RAB4A: variants seen among roughly 807,000 people sequenced by gnomAD.
The protein encoded by RAB4A is ras-related protein Rab-4A.
In RAB4A, 20 loss-of-function variants were observed where a neutral mutation model predicts 34.5. That is an observed-to-expected ratio of 0.58 (90% CI 0.41 to 0.84). The LOEUF (loss-of-function observed/expected upper bound fraction) is 0.84. Ranked by LOEUF, RAB4A falls within the 40% of genes least tolerant of loss-of-function variation. RAB4A has a pLI of 0.00. For synonymous variants in RAB4A, 102 were observed against 100.0 expected, an observed-to-expected ratio of 1.02 and a Z score of -0.12; for missense variants, 228 against 274.5, an observed-to-expected ratio of 0.83 and a Z score of 1.20.
Position 229,271,255 on chromosome 1 carries a change from C to A in RAB4A, c.-85C>A. On this transcript the variant is annotated 5_prime_UTR_variant, in exon 1 of 8. Coordinates refer to ENST00000366690, the MANE Select transcript of RAB4A (RefSeq NM_004578.4). ...GCCCCTCCCTCCTCCGGTCCCCCGC[C>A]CCAGGTCCTTCCCCACCGAGACGCG... 7.8e-7 allele frequency: 1 copy of A among 1,279,354 alleles called. No homozygotes were observed. Among genetic ancestry groups the A allele is most frequent in the Non-Finnish European group, 9.9e-7 (1 of 1,006,940 alleles). The allele number at this position is 1,279,354 out of a possible 1,614,324, so 79.3% of individuals were successfully genotyped here.
chr1:229,305,332 T>C lies in RAB4A; in HGVS notation c.*1539T>C. ...TGCAAGCTGCTCATTTTTGAACAGC[T>C]TTTTGCATGGGATAGGAGCATGTCT... On this transcript the variant is annotated 3_prime_UTR_variant, in exon 8 of 8. Coordinates refer to ENST00000366690, the MANE Select transcript of RAB4A (RefSeq NM_004578.4). 1 of 1,564,450 alleles carries C rather than the reference T, an allele frequency of 6.4e-7. No homozygotes were observed. The highest frequency in any genetic ancestry group is 8.6e-7 in the Non-Finnish European group (1 of 1,156,182).
chr1:229,271,553 G>T (rs1656477986), intron 1 of RAB4A, among the ~76,000 whole-genome samples, 183 bp downstream of exon 1: 1 of 151,992 alleles, frequency 6.6e-6, no homozygotes, highest in Non-Finnish European at 1.5e-5. Context: ...GGGGGCTCGG[G>T]TGGGGTAGCG....
chr1:229,294,811 C>T (rs1206762154), intron 3 of RAB4A, among the ~76,000 whole-genome samples: 6 of 152,086 alleles, frequency 3.9e-5, no homozygotes, highest in Admixed American at 1.3e-4. Context: ...GCCTGGGTAA[C>T]GAGCGAAACT....
intron 1 of RAB4A, among the ~76,000 whole-genome samples, chr1:229,278,384 A>G (rs761238912): frequency 6.6e-6 from 1 of 152,158 alleles, no homozygotes; most frequent in African/African-American, 2.4e-5. Flanking sequence ...ACTCAGTAAT[A>G]CTTAGCAATC....
At position 229,271,331 on chromosome 1, in the gene RAB4A, G is replaced by A. The variant is rs949568547; in HGVS notation, c.-9G>A. On this transcript the variant is annotated 5_prime_UTR_variant, in exon 1 of 8. Transcript: ENST00000366690. ...CGGTGACCCGGCGAGAGGCGGCGCC[G>A]CTCCCAAGATGTCGCAGACGGCCAT... 93 of 1,308,340 alleles carry A rather than the reference G, an allele frequency of 7.1e-5. No individual in the cohort carries two copies. The African/African-American group carries it at 1.4e-3, about 20-fold the overall frequency. The allele number at this position is 1,308,340 out of a possible 1,614,324, so 81.0% of individuals were successfully genotyped here.
In RAB4A at chr1:229,304,556, A is replaced by G. The variant is rs1657498671; in HGVS notation, c.*763A>G. ...TACCCAAACCTACTGGGCTACTAAT[A>G]CTTCTCTCAGCAGTTGATCAAATAC... On this transcript the variant is annotated 3_prime_UTR_variant, in exon 8 of 8. Coordinates refer to ENST00000366690, the MANE Select transcript of RAB4A (RefSeq NM_004578.4). The G allele has an allele frequency of 6.6e-6, 1 of 152,168 alleles. No homozygotes were observed. Among genetic ancestry groups the G allele is most frequent in the South Asian group, 2.1e-4 (1 of 4,832 alleles). The allele number at this position is 152,168 out of a possible 1,614,324, so 9.4% of individuals were successfully genotyped here. A position where few individuals can be genotyped will look rare whatever the true frequency, so the allele number is the denominator to read the frequency against.
chr1:229,277,924 G>C (rs1032144133), intron 1 of RAB4A, among the ~76,000 whole-genome samples: 1 of 151,274 alleles, frequency 6.6e-6, no homozygotes, highest in African/African-American at 2.5e-5. Context: ...GAGTGCAGTG[G>C]CATTATCTCA....
intron 1 of RAB4A, among the ~76,000 whole-genome samples, chr1:229,283,410 A>G (rs1478790916): frequency 6.6e-6 from 1 of 152,200 alleles, no homozygotes; most frequent in African/African-American, 2.4e-5. Flanking sequence ...CTTTGCTGGC[A>G]TGGGTACAGG....
chr1:229,271,421 G>C, intron 1 of RAB4A, 51 bp downstream of exon 1: 1 of 1,193,180 alleles, frequency 8.4e-7, no homozygotes. Context: ...GGGGGGCGTC[G>C]GTGGCGCGGG....
At chr1:229,284,139 G>A (rs237758) in intron 1 of RAB4A, among the ~76,000 whole-genome samples, 29,576 of 120,344 alleles carry the variant, frequency 0.25, 4,012 homozygotes, top group African/African-American at 0.4. Context: ...TTGTTCTGTC[G>A]CCCAGGCTGG....
intron 4 of RAB4A, among the ~76,000 whole-genome samples, chr1:229,296,453 G>GT (rs1382233633): frequency 6.6e-6 from 1 of 152,198 alleles, no homozygotes; most frequent in Non-Finnish European, 1.5e-5. Context: ...GTTAGTAGCT[G>GT]TTTGTGACAT....
chr1:229,289,579 C>T (rs1355813881), intron 3 of RAB4A, among the ~76,000 whole-genome samples: 5 of 152,164 alleles, frequency 3.3e-5, no homozygotes, highest in African/African-American at 1.2e-4. Context: ...CTTTGGGAGG[C>T]CGAGGCAGAC....
intron 3 of RAB4A, among the ~76,000 whole-genome samples, chr1:229,294,278 G>T (rs1657176306): frequency 6.6e-6 from 1 of 152,182 alleles, no homozygotes; most frequent in Non-Finnish European, 1.5e-5. Flanking sequence ...TGTTAAGAGA[G>T]CCCAGGACCC....
At chr1:229,296,324 C>T (rs943308593) in intron 4 of RAB4A, among the ~76,000 whole-genome samples, 16 of 152,310 alleles carry the variant, frequency 1.1e-4, no homozygotes, top group Admixed American at 2.6e-4. Context: ...GATTGACCCT[C>T]TCAGGCCAGG....
In RAB4A at chr1:229,271,293, G is replaced by T; in HGVS notation, c.-47G>T. On this transcript the variant is annotated 5_prime_UTR_variant, in exon 1 of 8. Coordinates refer to ENST00000366690, the MANE Select transcript of RAB4A (RefSeq NM_004578.4). ...CCACCGAGACGCGCCGGCGGACCGC[G>T]GGCGAGTGCAGCCGGTGACCCGGCG... is the stretch of plus-strand genomic sequence containing the variant. The T allele has an allele frequency of 3.8e-6, 5 of 1,328,318 alleles. No homozygotes were observed. The highest frequency in any genetic ancestry group is 4.8e-6 in the Non-Finnish European group (5 of 1,037,802). 82.3% of individuals were successfully genotyped at this position (1,328,318 alleles called of 1,614,324 possible).
At chr1:229,297,089 T>C (rs1482319917) in intron 4 of RAB4A, among the ~76,000 whole-genome samples, 1 of 152,212 alleles carries the variant, frequency 6.6e-6, no homozygotes, top group East Asian at 1.9e-4. Context: ...TAAAGTCCTG[T>C]AAAACAAAGT....
At position 229,302,286 on chromosome 1, in the gene RAB4A, TATATA is replaced by T. The variant is rs1558242301; in HGVS notation, c.542-575_542-571del. On this transcript the variant is annotated intron_variant, in intron 6 of 7. Transcript: ENST00000366690. ...ATATATATATATATATATATATATA[TATATA>T]TATATATATATATATATATTTTTTT... Among the ~76,000 whole-genome samples the T allele has an allele frequency of 2.5e-3, 57 of 22,542 alleles. 1 individual carries two copies. The highest frequency in any genetic ancestry group is 7.9e-3 in the African/African-American group (40 of 5,074). 14.8% of individuals were successfully genotyped at this position (22,542 alleles called of 152,430 possible). A position where few individuals can be genotyped will look rare whatever the true frequency, so the allele number is the denominator to read the frequency against.
chr1:229,297,343 A>G (rs1657276662), intron 4 of RAB4A, 139 bp from the exon 5 acceptor site: 2 of 771,028 alleles, frequency 2.6e-6, no homozygotes, highest in East Asian at 5.7e-5. Flanking sequence ...TGGTGCATTC[A>G]CGTTGTCTGA....
chr1:229,275,964 A>G (rs1281400668), intron 1 of RAB4A, among the ~76,000 whole-genome samples: 2 of 151,264 alleles, frequency 1.3e-5, no homozygotes, highest in East Asian at 3.8e-4. Context: ...CCAATAAAGT[A>G]TGAAATAACT....
Sources: allele counts gnomAD v4.1 joint callset (sites outside exome capture counted in the v4.1 genomes callset), GRCh38; gene constraint gnomAD v4.1.1; transcripts MANE v1.5; gene names NCBI Gene and HGNC (gene_info 2026-07-23, HGNC 2026-07-21).